The following MTIF3 variants were observed in gnomAD, a reference collection of about 807,000 sequenced individuals.
MTIF3 encodes the protein mitochondrial translational initiation factor 3, also known as translation initiation factor IF-3, mitochondrial.
A neutral mutation model predicts 20.7 loss-of-function variants in MTIF3; 13 were observed. That is an observed-to-expected ratio of 0.63 (90% CI 0.41 to 1.00). The LOEUF is 1.00. Ranked by LOEUF, MTIF3 falls within the 50% of genes least tolerant of loss-of-function variation. MTIF3 has a pLI of 0.00. For missense variants in MTIF3, 295 were observed against 324.5 expected, an observed-to-expected ratio of 0.91 and a Z score of 0.70; for synonymous variants, 114 against 112.5, an observed-to-expected ratio of 1.01 and a Z score of -0.08.
chr13:27,442,856 A>G (rs377508103), intron 2 of MTIF3, among the ~76,000 whole-genome samples: 6 of 152,290 alleles, frequency 3.9e-5, no homozygotes, highest in African/African-American at 1.4e-4. Flanking sequence ...GACACATTCT[A>G]TATTTATTTG....
Position 27,437,162 on chromosome 13 carries a change from A to T in MTIF3, c.572T>A (p.Ile191Asn), listed in dbSNP as rs760114330. Residue 191 changes from isoleucine (I) to asparagine (N), a missense_variant, in exon 4 of 5, where the codon ATT becomes AAT. Coordinates refer to ENST00000381120, the MANE Select transcript of MTIF3 (RefSeq NM_152912.5). ...QWIKKKHLVQ[I>N]TIKKGKNVDV... ...TACATTTTTTCCTTTCTTTATGGTAATCTGGACTAGGTGTTTTTTCTTAAT... is the reference window on the plus strand; with the variant it reads ...TACATTTTTTCCTTTCTTTATGGTATTCTGGACTAGGTGTTTTTTCTTAAT... The T allele has an allele frequency of 6.2e-7, 1 of 1,614,042 alleles. No homozygotes were observed. Among genetic ancestry groups the T allele is most frequent in the South Asian group, 1.1e-5 (1 of 91,072 alleles).
chr13:27,442,698 A>G (rs1445899680), intron 2 of MTIF3, among the ~76,000 whole-genome samples: 1 of 152,080 alleles, frequency 6.6e-6, no homozygotes, highest in East Asian at 1.9e-4. Context: ...CTTCCCTCAG[A>G]TAGCCTCATG....
intron 1 of MTIF3, 147 bp from the exon 2 acceptor site, chr13:27,445,303 G>C (rs1954147443): frequency 6.6e-6 from 1 of 152,058 alleles, no homozygotes; most frequent in African/African-American, 2.4e-5. Flanking sequence ...CACACAGCAA[G>C]ACCCAGTCTC....
Position 27,440,324 on chromosome 13 carries a change from G to C in MTIF3, c.125C>G (p.Ser42Cys). Reference protein sequence around the residue: ...TAPAQLSPIASAPRLSFLIHA... With the variant: ...TAPAQLSPIACAPRLSFLIHA... Reference sequence around the variant, plus strand: ...AATTAGGAAGGAGAGTCTTGGGGCAGAAGCAATAGGGGACAACTGTGCTGG... The same window carrying C: ...AATTAGGAAGGAGAGTCTTGGGGCACAAGCAATAGGGGACAACTGTGCTGG... Residue 42 changes from serine to cysteine, a missense_variant, in exon 3 of 5, where the codon TCT becomes TGT. By Grantham distance (112) the Ser-to-Cys change is moderately radical. Coordinates refer to ENST00000381120, the MANE Select transcript of MTIF3 (RefSeq NM_152912.5). The C allele has an allele frequency of 6.2e-7, 1 of 1,614,216 alleles. No individual in the cohort carries two copies. Among genetic ancestry groups the C allele is most frequent in the Non-Finnish European group, 8.5e-7 (1 of 1,180,042 alleles).
rs751469413 is a variant in MTIF3, at chr13:27,440,396, T to C, written c.53A>G (p.Asn18Ser). Residue 18 changes from asparagine (N) to serine (S), a missense_variant, in exon 3 of 5, where the codon AAT becomes AGT. Physicochemically the swap from Asn to Ser is conservative, Grantham distance 46 (BLOSUM62 1). Transcript: ENST00000381120. ...TTTACCAAAACATCTAATGCAACTA[T>C]TTTCAGACTTTACAGTTTGTAGTGT... Reference protein sequence around the residue: ...RLTLQTVKSENSCIRCFGKHI... With the variant: ...RLTLQTVKSESSCIRCFGKHI... The C allele has an allele frequency of 2.5e-6, 4 of 1,613,968 alleles. No homozygotes were observed. Among genetic ancestry groups the C allele is most frequent in the Non-Finnish European group, 3.4e-6 (4 of 1,179,986 alleles).
At chr13:27,439,612 A>G (rs534372278) in intron 3 of MTIF3, among the ~76,000 whole-genome samples, 1 of 152,316 alleles carries the variant, frequency 6.6e-6, no homozygotes, top group South Asian at 2.1e-4. Flanking sequence ...AGGGCAGGGA[A>G]CTTGAATGTA....
intron 3 of MTIF3, among the ~76,000 whole-genome samples, chr13:27,439,745 C>T (rs988188894): frequency 6.6e-6 from 1 of 151,926 alleles, no homozygotes; most frequent in South Asian, 2.1e-4. Flanking sequence ...GTTTCTCCCA[C>T]ATTTTACACA....
At chr13:27,448,637 A>G (rs1203662521) in intron 1 of MTIF3, among the ~76,000 whole-genome samples, 2 of 152,188 alleles carry the variant, frequency 1.3e-5, no homozygotes, top group South Asian at 2.1e-4. Context: ...AGCCAACATT[A>G]TATCTTTGGC....
At chr13:27,435,959 C>T in intron 4 of MTIF3, 66 bp from the exon 5 acceptor site, 1 of 1,345,860 alleles carries the variant, frequency 7.4e-7, no homozygotes, top group South Asian at 1.2e-5. Context: ...TAATGTTCTG[C>T]TTGAACATTC....
At chr13:27,444,316 A>G (rs997902230) in intron 2 of MTIF3, among the ~76,000 whole-genome samples, 1 of 151,566 alleles carries the variant, frequency 6.6e-6, no homozygotes, top group Admixed American at 6.6e-5. Flanking sequence ...AAAAAAACGA[A>G]AAAAAAAAGA....
chr13:27,437,457 T>C (rs45622135), intron 3 of MTIF3, among the ~76,000 whole-genome samples, 184 bp from the exon 4 acceptor site: 20,234 of 152,324 alleles, frequency 0.13, 1,779 homozygotes, highest in Non-Finnish European at 0.18. Flanking sequence ...ACCAATTTTT[T>C]ACCTGCCCTG....
At chr13:27,442,368 G>A (rs1228164728) in intron 2 of MTIF3, among the ~76,000 whole-genome samples, 2 of 152,134 alleles carry the variant, frequency 1.3e-5, no homozygotes, top group South Asian at 2.1e-4. Flanking sequence ...CTGCATCACA[G>A]TAAAACCGCA....
chr13:27,443,757 GCAAA>G (rs1194026264), intron 2 of MTIF3, among the ~76,000 whole-genome samples: 2 of 151,430 alleles, frequency 1.3e-5, no homozygotes, highest in African/African-American at 4.9e-5. Context: ...TTTCAAACAA[GCAAA>G]CAAAATAACT....
rs533396868 is a variant in MTIF3 at position 27,447,198 on chromosome 13, C to CAAAAAAAA, written c.-70-2050_-70-2043dup. On this transcript the variant is annotated intron_variant, in intron 1 of 4. Coordinates refer to ENST00000381120, the MANE Select transcript of MTIF3 (RefSeq NM_152912.5). ...CCTGTTCAGAACCAGTGGGTTAGGCCAAAAAAAAAAAAAAAAAGATGAACT... is the reference window on the plus strand; with the variant it reads ...CCTGTTCAGAACCAGTGGGTTAGGCCAAAAAAAAAAAAAAAAAAAAAAAAAGATGAACT... 3.7e-3 allele frequency among the ~76,000 whole-genome samples: 310 copies of CAAAAAAAA among 83,432 alleles called. 6 individuals are homozygous for CAAAAAAAA. Among genetic ancestry groups the CAAAAAAAA allele is most frequent in the East Asian group, 0.036 (72 of 1,996 alleles). The allele number at this position is 83,432 out of a possible 152,430, so 54.7% of individuals were successfully genotyped here.
intron 4 of MTIF3, among the ~76,000 whole-genome samples, chr13:27,436,745 A>ATTTTTTTTTTTTTTTTTTTTTTTTTTT (rs66903644): frequency 1.1e-5 from 1 of 90,192 alleles, no homozygotes; most frequent in Non-Finnish European, 2.0e-5. Context: ...ATTTTCTACA[A>ATTTTTTTTTTTTTTTTTTTTTTTTTTT]TTTTTTTTTT....
chr13:27,436,647 C>T (rs1314286208), intron 4 of MTIF3, among the ~76,000 whole-genome samples: 1 of 151,754 alleles, frequency 6.6e-6, no homozygotes, highest in Non-Finnish European at 1.5e-5. Flanking sequence ...ACTATATCTA[C>T]AGTATGCTTA....
At chr13:27,447,198 C>CA (rs533396868) in intron 1 of MTIF3, among the ~76,000 whole-genome samples, 1,799 of 84,182 alleles carry the variant, frequency 0.021, 36 homozygotes, top group Non-Finnish European at 0.03. Flanking sequence ...TGGGTTAGGC[C>CA]AAAAAAAAAA....
intron 1 of MTIF3, among the ~76,000 whole-genome samples, chr13:27,445,966 A>C (rs1395882203): frequency 6.6e-6 from 1 of 152,222 alleles, no homozygotes; most frequent in Non-Finnish European, 1.5e-5. Context: ...TCAAGGAGAC[A>C]TAATTTTGCT....
In MTIF3 at chr13:27,440,267, G is replaced by A; in HGVS notation, c.182C>T (p.Thr61Ile). The change falls in exon 3 of 5, where the codon ACC becomes ATC. Residue 61 changes from threonine (T) to isoleucine (I), a missense_variant. Transcript: ENST00000381120. Reference protein sequence around the residue: ...HAKAFSTAEDTQNEGKKTKKN... With the variant: ...HAKAFSTAEDIQNEGKKTKKN... ...TTTTGTCTTTTTTCCTTCATTCTGG[G>A]TGTCTTCAGCGGTACTAAAGGCTTT... 6.2e-7 allele frequency: 1 copy of A among 1,613,940 alleles called. No individual in the cohort carries two copies. The highest frequency in any genetic ancestry group is 8.5e-7 in the Non-Finnish European group (1 of 1,180,018).
Sources: allele counts gnomAD v4.1 joint callset (sites outside exome capture counted in the v4.1 genomes callset), GRCh38; gene constraint gnomAD v4.1.1; transcripts MANE v1.5; gene names NCBI Gene and HGNC (gene_info 2026-07-23, HGNC 2026-07-21).